The following GSG1L variants were observed in gnomAD, a reference collection of about 807,000 sequenced individuals.
GSG1L encodes the protein GSG1 like, also known as germ cell-specific gene 1-like protein.
In GSG1L, 24 loss-of-function variants were observed where a neutral mutation model predicts 42.1. The observed-to-expected ratio is 0.57, with a 90% confidence interval of 0.41 to 0.80. GSG1L has a LOEUF of 0.80. Ranked by LOEUF, GSG1L falls within the 30% of genes least tolerant of loss-of-function variation. The pLI is 0.00. For synonymous variants in GSG1L, 215 were observed against 203.5 expected (o/e 1.06, Z -0.48); for missense variants, 445 against 472.2 (o/e 0.94, Z 0.53).
intron 2 of GSG1L, among the ~76,000 whole-genome samples, chr16:27,906,766 C>A (rs2084325452): frequency 6.6e-6 from 1 of 152,130 alleles, no homozygotes; most frequent in South Asian, 2.1e-4. Context: ...TAGCAGCGGT[C>A]TCATTTTGAA....
intron 3 of GSG1L, among the ~76,000 whole-genome samples, chr16:27,849,691 G>GTATTTATT (rs747204110): frequency 7.9e-5 from 12 of 151,860 alleles, no homozygotes; most frequent in African/African-American, 2.9e-4. Flanking sequence ...CTTGGCTATT[G>GTATTTATT]TATTTATTTA....
intron 4 of GSG1L, among the ~76,000 whole-genome samples, chr16:27,829,610 G>A (rs1191246908): frequency 2.0e-5 from 3 of 152,284 alleles, no homozygotes; most frequent in Non-Finnish European, 2.9e-5. Context: ...GCAATGGTGC[G>A]ATCATAGCTT....
Position 27,849,208 on chromosome 16 carries a change from A to ACCCC in GSG1L, c.551-4148_551-4147insGGGG, listed in dbSNP as rs1192111071. On this transcript the variant is annotated intron_variant, in intron 3 of 6. Coordinates refer to ENST00000447459, the MANE Select transcript of GSG1L (RefSeq NM_001109763.2). The stretch of plus-strand genomic sequence containing the variant: ...GTGAGCCTCTATCCCAAAAAGAAAA[A>ACCCC]AAAAAAAAAAAAAAAGAGAAAAGAA... 1.4e-4 allele frequency among the ~76,000 whole-genome samples: 21 copies of ACCCC among 148,532 alleles called. 1 individual carries two copies. Among genetic ancestry groups the ACCCC allele is most frequent in the Non-Finnish European group, 2.4e-4 (16 of 66,632 alleles).
chr16:28,029,932 G>T (rs892819328), intron 1 of GSG1L, among the ~76,000 whole-genome samples: 1 of 152,214 alleles, frequency 6.6e-6, no homozygotes, highest in African/African-American at 2.4e-5. Context: ...CATGTGGGCA[G>T]TGTGTACAGA....
intron 2 of GSG1L, among the ~76,000 whole-genome samples, chr16:27,892,322 G>A (rs1392185209): frequency 1.3e-5 from 2 of 151,884 alleles, no homozygotes; most frequent in African/African-American, 4.8e-5. Context: ...AGGCATGGTG[G>A]CGCGTGCCTG....
chr16:27,850,438 A>T (rs1326736624), intron 3 of GSG1L: 1 of 447,812 alleles, frequency 2.2e-6, no homozygotes, highest in African/African-American at 2.0e-5. Context: ...AATCATCTGC[A>T]TGCGAATGAT....
intron 1 of GSG1L, among the ~76,000 whole-genome samples, chr16:28,020,592 C>T (rs2085831348): frequency 6.6e-6 from 1 of 152,184 alleles, no homozygotes; most frequent in Admixed American, 6.5e-5. Flanking sequence ...CCCTGGTGAG[C>T]TTCATCTCCT....
At chr16:27,898,698 G>GTC (rs1210953195) in intron 2 of GSG1L, among the ~76,000 whole-genome samples, 8 of 139,416 alleles carry the variant, frequency 5.7e-5, no homozygotes, top group Admixed American at 1.4e-4. Context: ...CTCTCTCTCT[G>GTC]TCTCTCTCTC....
intron 1 of GSG1L, among the ~76,000 whole-genome samples, chr16:28,054,590 C>G (rs1024496366): frequency 6.6e-6 from 1 of 152,090 alleles, no homozygotes; most frequent in Non-Finnish European, 1.5e-5. Context: ...GATTGCACCA[C>G]TGCACTCCAG....
intron 1 of GSG1L, among the ~76,000 whole-genome samples, chr16:28,002,634 A>C (rs923575797): frequency 4.2e-4 from 64 of 152,020 alleles, no homozygotes; most frequent in Non-Finnish European, 7.4e-5. Context: ...AAAACAAATT[A>C]AAAAGAAAAA....
intron 5 of GSG1L, among the ~76,000 whole-genome samples, chr16:27,812,501 C>G (rs763840319): frequency 5.3e-5 from 8 of 152,226 alleles, no homozygotes; most frequent in Non-Finnish European, 1.2e-4. Flanking sequence ...TGGGTGTGGA[C>G]AGTAGCAGGT....
intron 2 of GSG1L, among the ~76,000 whole-genome samples, chr16:27,925,627 G>A (rs1385704658): frequency 1.3e-5 from 2 of 152,302 alleles, no homozygotes; most frequent in East Asian, 1.9e-4. Context: ...TTAGGAACAC[G>A]CCATGACCAT....
chr16:27,816,172 C>T (rs2083091109), intron 5 of GSG1L, among the ~76,000 whole-genome samples: 1 of 152,190 alleles, frequency 6.6e-6, no homozygotes, highest in Admixed American at 6.5e-5. Context: ...GTATGAACTA[C>T]TGTAATGCAC....
Position 27,789,923 on chromosome 16 carries a change from T to C in GSG1L, c.*1447A>G, listed in dbSNP as rs1267421454. On this transcript the variant is annotated 3_prime_UTR_variant, in exon 7 of 7. Coordinates refer to ENST00000447459, the MANE Select transcript of GSG1L (RefSeq NM_001109763.2). ...AGATGATGAGTGGGTGGATAATGGA[T>C]TAATGATGATGGAGGGATGAATGAA... 1 of 148,020 alleles carries C rather than the reference T, an allele frequency of 6.8e-6. No homozygotes were observed. Among genetic ancestry groups the C allele is most frequent in the East Asian group, 2.1e-4 (1 of 4,810 alleles). The allele number at this position is 148,020 out of a possible 1,614,324, so 9.2% of individuals were successfully genotyped here.
rs578046551 is a variant in GSG1L at position 27,961,813 on chromosome 16, CT to C, written c.397+1342del. ...AAAGAAATGGAGGAGGCGGTCCTGA[CT>C]GCCAAGAGGCTGCTGGGGGGTAGGG... On this transcript the variant is annotated intron_variant, in intron 2 of 6. Coordinates refer to ENST00000447459, the MANE Select transcript of GSG1L (RefSeq NM_001109763.2). Among the ~76,000 whole-genome samples, 391 of 152,330 alleles carry C rather than the reference CT, an allele frequency of 2.6e-3. 5 individuals are homozygous for C. Among genetic ancestry groups the C allele is most frequent in the African/African-American group, 9.3e-3 (385 of 41,572 alleles).
At chr16:27,895,996 G>A (rs142877696) in intron 2 of GSG1L, among the ~76,000 whole-genome samples, 2 of 152,232 alleles carry the variant, frequency 1.3e-5, no homozygotes, top group African/African-American at 4.8e-5. Context: ...AACCAGCAGC[G>A]TCAGCATTCC....
chr16:27,920,906 G>C (rs72784106), intron 2 of GSG1L, among the ~76,000 whole-genome samples: 26,150 of 152,136 alleles, frequency 0.17, 3,105 homozygotes, highest in African/African-American at 0.32. Flanking sequence ...ATGTTTAGTC[G>C]TGGGGAATAA....
intron 1 of GSG1L, among the ~76,000 whole-genome samples, chr16:28,038,641 G>A (rs376502189): frequency 7.3e-4 from 111 of 152,140 alleles, no homozygotes; most frequent in Non-Finnish European, 4.6e-4. Context: ...ACAGATTACC[G>A]TAACCTCAAG....
chr16:28,007,665 A>G (rs2085660061), intron 1 of GSG1L, among the ~76,000 whole-genome samples: 1 of 152,114 alleles, frequency 6.6e-6, no homozygotes, highest in Admixed American at 6.5e-5. Flanking sequence ...GGTGTGCACC[A>G]CCACACCCAG....
Sources: allele counts gnomAD v4.1 joint callset (sites outside exome capture counted in the v4.1 genomes callset), GRCh38; gene constraint gnomAD v4.1.1; transcripts MANE v1.5; gene names NCBI Gene and HGNC (gene_info 2026-07-23, HGNC 2026-07-21).